Variants in CATSPERE observed in about 807,000 individuals in gnomAD.
CATSPERE encodes catsper channel auxiliary subunit epsilon.
In CATSPERE, 93 loss-of-function variants were observed where a neutral mutation model predicts 114.1. That is an observed-to-expected ratio of 0.81 (90% confidence interval 0.69 to 0.97). The LOEUF (loss-of-function observed/expected upper bound fraction) is 0.97, where lower values mean the gene tolerates loss of function less well. Ranked by LOEUF, CATSPERE falls within the 50% of genes least tolerant of loss-of-function variation. CATSPERE has a pLI of 0.00. For missense variants in CATSPERE, 1,058 were observed against 1,131.6 expected, an observed-to-expected ratio of 0.93 and a Z score of 0.93; for synonymous variants, 341 against 384.1, an observed-to-expected ratio of 0.89 and a Z score of 1.31.
At chr1:244,472,694 G>A (rs1668687543) in intron 2 of CATSPERE, among the ~76,000 whole-genome samples, 2 of 152,062 alleles carry the variant, frequency 1.3e-5, no homozygotes, top group Non-Finnish European at 2.9e-5. Flanking sequence ...TGTGAGCATG[G>A]ACAAATGTTT....
At chr1:244,490,409 G>A (rs1487313231) in intron 5 of CATSPERE, 38 bp from the exon 6 acceptor site, 13 of 1,431,238 alleles carry the variant, frequency 9.1e-6, no homozygotes, top group Non-Finnish European at 1.3e-5. Flanking sequence ...TGTTTAACAG[G>A]CTGTTTACTA....
At chr1:244,627,170 G>A (rs1436624518) in intron 20 of CATSPERE, among the ~76,000 whole-genome samples, 3 of 152,032 alleles carry the variant, frequency 2.0e-5, no homozygotes, top group African/African-American at 7.3e-5. Context: ...GCGGGATGGG[G>A]GTCAGTGATC....
chr1:244,543,555 G>T lies in CATSPERE; in HGVS notation c.537-8767G>T, dbSNP rs1384752635. The stretch of plus-strand genomic sequence containing the variant: ...TTCAGATTTACAGGAGGAGTAAGTT[G>T]TCAGATTATTGTGTATCAGGGTGAT... On this transcript the variant is annotated intron_variant, in intron 8 of 21. Coordinates refer to ENST00000366534, the MANE Select transcript of CATSPERE (RefSeq NM_001130957.2). Among the ~76,000 whole-genome samples, 5 of 151,232 alleles carry T rather than the reference G, an allele frequency of 3.3e-5. No homozygotes were observed. In the East Asian group the frequency reaches 9.7e-4, roughly 29 times the overall value.
chr1:244,585,553 C>G (rs923999699), intron 13 of CATSPERE, among the ~76,000 whole-genome samples: 4 of 152,198 alleles, frequency 2.6e-5, no homozygotes, highest in African/African-American at 9.7e-5. Context: ...ATGCCTTCAA[C>G]CACAAGGTTC....
rs1354970832 is a variant in CATSPERE at position 244,640,285 on chromosome 1, T to C, written c.*204T>C. On this transcript the variant is annotated 3_prime_UTR_variant, in exon 22 of 22. Coordinates refer to ENST00000366534, the MANE Select transcript of CATSPERE (RefSeq NM_001130957.2). ...ATATATTGTTATTAAATTAATCCTT[T>C]GTTTGCCTTCATTTTAAAGATACTC... 3 of 400,294 alleles carry C rather than the reference T, an allele frequency of 7.5e-6. No individual in the cohort carries two copies. Among genetic ancestry groups the C allele is most frequent in the East Asian group, 4.5e-5 (1 of 22,090 alleles). 24.8% of individuals were successfully genotyped at this position (400,294 alleles called of 1,614,324 possible). A position where few individuals can be genotyped will look rare whatever the true frequency, so the allele number is the denominator to read the frequency against.
chr1:244,568,281 C>T lies in CATSPERE; in HGVS notation c.1508-4049C>T, dbSNP rs1210163553. On this transcript the variant is annotated intron_variant, in intron 10 of 21. Transcript: ENST00000366534. The surrounding 1 kb of genome is among the most constrained non-coding windows in gnomAD (Gnocchi z 4.4). ...TCTTCTGTATGAGGTGTCTGTCAAC[C>T]CCTGCTAGGAGGTGTCTTCCAGTCA... is the stretch of plus-strand genomic sequence containing the variant. 6.6e-6 allele frequency among the ~76,000 whole-genome samples: 1 copy of T among 152,138 alleles called. No individual in the cohort carries two copies. The highest frequency in any genetic ancestry group is 1.5e-5 in the Non-Finnish European group (1 of 67,996).
chr1:244,567,146 AT>A (rs1250581497), intron 10 of CATSPERE, among the ~76,000 whole-genome samples: 2 of 152,126 alleles, frequency 1.3e-5, no homozygotes, highest in Non-Finnish European at 2.9e-5. Flanking sequence ...TTGAAAATTC[AT>A]TTCTTTAAGA....
At chr1:244,467,331 G>A (rs1442641864) in intron 2 of CATSPERE, among the ~76,000 whole-genome samples, 3 of 151,950 alleles carry the variant, frequency 2.0e-5, no homozygotes, top group Admixed American at 1.3e-4. Context: ...AAGACCTAAG[G>A]GGATATTTCA....
intron 8 of CATSPERE, among the ~76,000 whole-genome samples, chr1:244,544,815 T>C (rs1367403344): frequency 6.6e-6 from 1 of 152,240 alleles, no homozygotes; most frequent in African/African-American, 2.4e-5. Flanking sequence ...CAGATGTGTT[T>C]CATTGCTTGA....
At chr1:244,516,117 A>T (rs1304688277) in intron 7 of CATSPERE, among the ~76,000 whole-genome samples, 1 of 151,650 alleles carries the variant, frequency 6.6e-6, no homozygotes, top group Non-Finnish European at 1.5e-5. Context: ...CTTGAGCCTG[A>T]AAGGCAGAGG....
chr1:244,603,567 C>A (rs2148672474), intron 17 of CATSPERE, among the ~76,000 whole-genome samples: 1 of 151,956 alleles, frequency 6.6e-6, no homozygotes, highest in South Asian at 2.1e-4. Flanking sequence ...CTTTACAAAC[C>A]CAGAAATTAT....
At chr1:244,502,522 A>G (rs942335772) in intron 7 of CATSPERE, among the ~76,000 whole-genome samples, 6 of 151,786 alleles carry the variant, frequency 4.0e-5, no homozygotes, top group Admixed American at 2.0e-4. Context: ...TTAACTGGCA[A>G]CTCTCTTCAG....
chr1:244,588,131 T>C (rs1377759218), intron 13 of CATSPERE, among the ~76,000 whole-genome samples: 1 of 148,420 alleles, frequency 6.7e-6, no homozygotes, highest in African/African-American at 2.5e-5. Context: ...GTGGCGTAGG[T>C]TGCAGTGAGC....
chr1:244,567,951 A>G (rs1485083148), intron 10 of CATSPERE, among the ~76,000 whole-genome samples: 1 of 151,918 alleles, frequency 6.6e-6, no homozygotes, highest in Non-Finnish European at 1.5e-5. Context: ...GTCTTTTTGC[A>G]TTGGTTTTTC....
chr1:244,593,199 G>C (rs1350548827), intron 15 of CATSPERE, among the ~76,000 whole-genome samples, 196 bp from the exon 16 acceptor site: 1 of 152,178 alleles, frequency 6.6e-6, no homozygotes, highest in African/African-American at 2.4e-5. Flanking sequence ...TACAAAGAGA[G>C]GACAGTAATT....
At chr1:244,548,331 G>A (rs1440450308) in intron 8 of CATSPERE, among the ~76,000 whole-genome samples, 1 of 152,184 alleles carries the variant, frequency 6.6e-6, no homozygotes, top group African/African-American at 2.4e-5. Flanking sequence ...ACTGACCAAG[G>A]CTGACCTGGC....
intron 7 of CATSPERE, among the ~76,000 whole-genome samples, chr1:244,517,741 C>A (rs1676874783): frequency 1.3e-5 from 2 of 151,076 alleles, no homozygotes; most frequent in Non-Finnish European, 2.9e-5. Flanking sequence ...CCATTGCACT[C>A]CAGCCTGGGC....
Position 244,593,496 on chromosome 1 carries a change from T to C in CATSPERE, c.2224-3T>C. The C allele has an allele frequency of 6.2e-7, 1 of 1,613,868 alleles. No individual in the cohort carries two copies. Among genetic ancestry groups the C allele is most frequent in the Non-Finnish European group, 8.5e-7 (1 of 1,179,888 alleles). On this transcript the variant is annotated splice_polypyrimidine_tract_variant and splice_region_variant and intron_variant, in intron 16 of 21. Coordinates refer to ENST00000366534, the MANE Select transcript of CATSPERE (RefSeq NM_001130957.2). ...AATCACTAAAGTAGTTTTCCTTTTC[T>C]AGAGAGTAAGGTATATTTGGGGAGA...
intron 8 of CATSPERE, among the ~76,000 whole-genome samples, chr1:244,525,570 T>G (rs946539191): frequency 2.6e-5 from 4 of 152,108 alleles, no homozygotes; most frequent in African/African-American, 9.7e-5. Flanking sequence ...TGTGGATTGC[T>G]GATGGAAGTG....
Sources: allele counts gnomAD v4.1 joint callset (sites outside exome capture counted in the v4.1 genomes callset), GRCh38; gene constraint gnomAD v4.1.1; non-coding constraint Gnocchi (gnomAD v3.1); transcripts MANE v1.5; gene names NCBI Gene and HGNC (gene_info 2026-07-23, HGNC 2026-07-21).